Variants in FMN1 observed in about 807,000 individuals in gnomAD.
FMN1 encodes formin 1.
FMN1 carries 110 observed loss-of-function variants against 132.4 expected under a neutral mutation model. The observed-to-expected ratio is 0.83, with a 90% CI of 0.71 to 0.97. The LOEUF is 0.97. Ranked by LOEUF, FMN1 falls within the 50% of genes least tolerant of loss-of-function variation. FMN1 has a pLI of 0.00. For missense variants in FMN1, 1,792 were observed against 1,705.3 expected (o/e 1.05, Z -0.90); for synonymous variants, 722 against 651.7 (o/e 1.11, Z -1.64).
chr15:32,849,538 G>A (rs1002302824), intron 17 of FMN1, among the ~76,000 whole-genome samples: 1 of 152,064 alleles, frequency 6.6e-6, no homozygotes, highest in Non-Finnish European at 1.5e-5. Flanking sequence ...TTACTGGATA[G>A]TCATTAGAAA....
chr15:33,105,883 T>C (rs1442177615), intron 4 of FMN1: 1 of 152,126 alleles, frequency 6.6e-6, no homozygotes, highest in Non-Finnish European at 1.5e-5. Context: ...CATTACTGTC[T>C]GAGCTTGTAC....
rs552892930 is a variant in FMN1 at position 33,051,648 on chromosome 15, G to A, written c.2161+13309C>T. Reference sequence around the variant, plus strand: ...GGGCATGAAGAGGCAAAACAGCAGAGTTTTTAGCTGGTATATGACCTTCCT... The same window carrying A: ...GGGCATGAAGAGGCAAAACAGCAGAATTTTTAGCTGGTATATGACCTTCCT... On this transcript the variant is annotated intron_variant, in intron 6 of 20. Coordinates refer to ENST00000616417, the MANE Select transcript of FMN1 (RefSeq NM_001277313.2). 2.6e-5 allele frequency among the ~76,000 whole-genome samples: 4 copies of A among 152,318 alleles called. No homozygotes were observed. The South Asian group carries it at 6.2e-4, about 24-fold the overall frequency.
rs567249957 is a variant in FMN1, at chr15:32,776,139, G to A, written c.4215+696C>T. Among the ~76,000 whole-genome samples the A allele has an allele frequency of 3.3e-5, 5 of 152,294 alleles. No individual in the cohort carries two copies. In the South Asian group the frequency reaches 8.3e-4, roughly 25 times the overall value. On this transcript the variant is annotated intron_variant, in intron 20 of 20. Transcript: ENST00000616417. The stretch of plus-strand genomic sequence containing the variant: ...AAAGAAACAAAGTAACTTCACTAAG[G>A]TTTTACAACTATTTAAGTGGCAGAG...
intron 4 of FMN1, among the ~76,000 whole-genome samples, chr15:33,140,815 G>A (rs1963979608): frequency 6.6e-6 from 1 of 152,128 alleles, no homozygotes; most frequent in Non-Finnish European, 1.5e-5. Flanking sequence ...GGAAGGGGAA[G>A]AAAAGAAAGG....
intron 4 of FMN1, among the ~76,000 whole-genome samples, chr15:33,107,362 A>T (rs1369327938): frequency 6.6e-6 from 1 of 152,040 alleles, no homozygotes; most frequent in African/African-American, 2.4e-5. Context: ...ACGATCTTTT[A>T]AAAATGTCAC....
Position 33,165,535 on chromosome 15 carries a change from C to T in FMN1, c.-131-10490G>A, listed in dbSNP as rs963313534. Among the ~76,000 whole-genome samples the T allele has an allele frequency of 7.9e-5, 12 of 152,178 alleles. No individual in the cohort carries two copies. In the South Asian group the frequency reaches 2.3e-3, roughly 29 times the overall value. On this transcript the variant is annotated intron_variant, in intron 3 of 20. Transcript: ENST00000616417. ...CCTCCCGAGTAGCTGGGAATACAGG[C>T]GCCCGCCACCACGCCCGGCTAATTT...
chr15:33,078,856 C>T (rs1048237588), intron 5 of FMN1, among the ~76,000 whole-genome samples: 1 of 152,038 alleles, frequency 6.6e-6, no homozygotes. Flanking sequence ...AAATGACGTA[C>T]GTAGCAAGAG....
chr15:32,879,698 A>C (rs2059717771), intron 16 of FMN1, among the ~76,000 whole-genome samples: 1 of 152,088 alleles, frequency 6.6e-6, no homozygotes, highest in African/African-American at 2.4e-5. Flanking sequence ...CACAGAGGCT[A>C]AGTGATGTGG....
chr15:33,040,747 T>C (rs1369989263), intron 6 of FMN1, among the ~76,000 whole-genome samples: 1 of 152,238 alleles, frequency 6.6e-6, no homozygotes, highest in Non-Finnish European at 1.5e-5. Flanking sequence ...TAGCTCAACA[T>C]ACAATAGCAT....
chr15:33,126,811 T>C (rs1216481483), intron 4 of FMN1, among the ~76,000 whole-genome samples: 1 of 152,194 alleles, frequency 6.6e-6, no homozygotes, highest in Non-Finnish European at 1.5e-5. Flanking sequence ...CGAACTCTTT[T>C]CGATCCGCCT....
intron 4 of FMN1, among the ~76,000 whole-genome samples, chr15:33,135,865 T>G (rs969800597): frequency 6.6e-6 from 1 of 152,128 alleles, no homozygotes; most frequent in African/African-American, 2.4e-5. Context: ...GTACATAGAG[T>G]ATACAATTGG....
chr15:33,186,074 C>G (rs1028389891), intron 2 of FMN1, among the ~76,000 whole-genome samples: 1 of 151,884 alleles, frequency 6.6e-6, no homozygotes, highest in African/African-American at 2.4e-5. Flanking sequence ...TCAATGCAAC[C>G]TTTGTGAATG....
chr15:32,995,827 C>CATA (rs1388945448), intron 7 of FMN1, among the ~76,000 whole-genome samples: 1 of 152,202 alleles, frequency 6.6e-6, no homozygotes, highest in East Asian at 1.9e-4. Context: ...GCTGCTTATA[C>CATA]ATATTCAGAT....
At chr15:33,152,957 G>T in intron 4 of FMN1, 91 bp downstream of exon 4, 1 of 1,323,242 alleles carries the variant, frequency 7.6e-7, no homozygotes, top group Non-Finnish European at 1.0e-6. Context: ...TTGGTCCATT[G>T]TTAATCAGTC....
intron 16 of FMN1, among the ~76,000 whole-genome samples, chr15:32,877,289 G>GAAAA (rs146024325): frequency 2.2e-5 from 3 of 136,234 alleles, no homozygotes; most frequent in Admixed American, 7.5e-5. Context: ...TCTGTCTCAG[G>GAAAA]AAAAAAAAAA....
chr15:32,876,942 AT>A (rs148575295), intron 16 of FMN1, among the ~76,000 whole-genome samples: 1 of 151,930 alleles, frequency 6.6e-6, no homozygotes, highest in Non-Finnish European at 1.5e-5. Context: ...ATTTTGGCCA[AT>A]TTTTTTCCAT....
chr15:33,069,286 C>A (rs2037891214), intron 5 of FMN1, among the ~76,000 whole-genome samples: 1 of 152,190 alleles, frequency 6.6e-6, no homozygotes, highest in Non-Finnish European at 1.5e-5. Context: ...CCTCTTGGGA[C>A]AGCTCCCTAT....
intron 9 of FMN1, among the ~76,000 whole-genome samples, chr15:32,940,385 T>TAA (rs2061374132): frequency 7.1e-6 from 1 of 141,772 alleles, no homozygotes; most frequent in African/African-American, 2.7e-5. Context: ...GCAAACAAAA[T>TAA]AAAAATTGTG....
chr15:33,183,664 T>C (rs536658792), intron 2 of FMN1, among the ~76,000 whole-genome samples: 100 of 152,328 alleles, frequency 6.6e-4, no homozygotes, highest in South Asian at 2.1e-3. Flanking sequence ...GTAGGAAGAA[T>C]TGAAAGCAAA....
Sources: allele counts gnomAD v4.1 joint callset (sites outside exome capture counted in the v4.1 genomes callset), GRCh38; gene constraint gnomAD v4.1.1; transcripts MANE v1.5; gene names NCBI Gene and HGNC (gene_info 2026-07-23, HGNC 2026-07-21).